UNC13D: variants seen among roughly 807,000 people sequenced by gnomAD.
UNC13D encodes the protein protein unc-13 homolog D.
In UNC13D, 115 loss-of-function variants were observed where a neutral mutation model predicts 151.7. That is an observed-to-expected ratio of 0.76 (90% CI 0.65 to 0.88). The LOEUF is 0.88. Ranked by LOEUF, UNC13D falls within the 40% of genes least tolerant of loss-of-function variation. The pLI is 0.00. For missense variants in UNC13D, 1,369 were observed against 1,438.7 expected (o/e 0.95, Z 0.78); for synonymous variants, 588 against 612.2 (o/e 0.96, Z 0.58).
Position 75,827,382 on chromosome 17 carries a change from T to C in UNC13D, c.*583A>G, listed in dbSNP as rs912357556. 1.5e-6 allele frequency: 2 copies of C among 1,346,988 alleles called. No individual in the cohort carries two copies. Among genetic ancestry groups the C allele is most frequent in the Admixed American group, 3.0e-5 (1 of 33,322 alleles). The allele number at this position is 1,346,988 out of a possible 1,614,324, so 83.4% of individuals were successfully genotyped here. A position where few individuals can be genotyped will look rare whatever the true frequency, so the allele number is the denominator to read the frequency against. ...TGTGCCAGCCCTGCCGCCTGCCAGC[T>C]CTTGCTCCCTCAGAGCCAGAAGGTT... is the stretch of plus-strand genomic sequence containing the variant. On this transcript the variant is annotated 3_prime_UTR_variant, in exon 32 of 32. Coordinates refer to ENST00000207549, the MANE Select transcript of UNC13D (RefSeq NM_199242.3).
At chr17:75,828,220 C>T (rs2143859290) in intron 31 of UNC13D, 134 bp from the exon 32 acceptor site, 1 of 1,341,428 alleles carries the variant, frequency 7.5e-7, no homozygotes, top group Non-Finnish European at 1.0e-6. Flanking sequence ...AAGTGACAGA[C>T]CCGCGCCAGC....
In UNC13D at chr17:75,828,055, C is replaced by G. The variant is rs2143858841; in HGVS notation, c.3183G>C (p.Arg1061=). The change falls in exon 32 of 32, where the codon CGG becomes CGC. Residue 1061 remains arginine (R), a synonymous_variant. Transcript: ENST00000207549. ...AGACCTGGGCTTCTCGGTCACCCTT[C>G]CGGCCCTCCAGCAGCTGCAGGATTG... The part of the protein sequence containing the change: ...GDPILQLLEG[R]KGDREAQVFV... 1 of 1,575,718 alleles carries G rather than the reference C, an allele frequency of 6.3e-7. No individual in the cohort carries two copies. Among genetic ancestry groups the G allele is most frequent in the East Asian group, 2.3e-5 (1 of 42,686 alleles).
At chr17:75,843,667 TC>T in intron 1 of UNC13D, 148 bp from the exon 2 acceptor site, 1 of 1,487,208 alleles carries the variant, frequency 6.7e-7, no homozygotes, top group Non-Finnish European at 8.9e-7. Context: ...CCGCACCTGT[TC>T]CCCCAGCAGG....
chr17:75,830,915 C>T (rs758298471), intron 27 of UNC13D, among the ~76,000 whole-genome samples, 183 bp downstream of exon 27: 1 of 152,306 alleles, frequency 6.6e-6, no homozygotes, highest in Non-Finnish European at 1.5e-5. Flanking sequence ...CTTAGGAGGA[C>T]CCAGGCTTGG....
intron 24 of UNC13D, 46 bp downstream of exon 24, chr17:75,834,028 CA>C (rs1429170196): frequency 6.2e-7 from 1 of 1,604,860 alleles, no homozygotes; most frequent in Non-Finnish European, 8.5e-7. Context: ...CCCAGATCTA[CA>C]GAGCTGGCAG....
chr17:75,828,725 GC>G (rs1301485096), intron 31 of UNC13D, 61 bp downstream of exon 31: 2 of 1,432,954 alleles, frequency 1.4e-6, no homozygotes, highest in Non-Finnish European at 9.2e-7. Flanking sequence ...CCTCTCTGGG[GC>G]CCCTGCCTGA....
At chr17:75,836,459 T>A in intron 14 of UNC13D, 30 bp from the exon 15 acceptor site, 1 of 1,611,978 alleles carries the variant, frequency 6.2e-7, no homozygotes, top group Admixed American at 1.7e-5. Flanking sequence ...GTGTCGAAAG[T>A]GCCTGCTGCC....
rs923676310 is a variant in UNC13D at position 75,830,357 on chromosome 17, C to T, written c.2830+5G>A. 4 of 1,593,142 alleles carry T rather than the reference C, an allele frequency of 2.5e-6. No homozygotes were observed. The highest frequency in any genetic ancestry group is 1.1e-5 in the South Asian group (1 of 87,824). ...GGAGAGTGGCCAAAGGCAGCCTCCACTCACCATTGGAGTCCAGGGGCAGCA... is the reference window on the plus strand; with the variant it reads ...GGAGAGTGGCCAAAGGCAGCCTCCATTCACCATTGGAGTCCAGGGGCAGCA... On this transcript the variant is annotated splice_donor_5th_base_variant and intron_variant, in intron 29 of 31. Coordinates refer to ENST00000207549, the MANE Select transcript of UNC13D (RefSeq NM_199242.3).
intron 11 of UNC13D, 23 bp from the exon 12 acceptor site, chr17:75,839,965 T>C (rs1426768062): frequency 6.2e-7 from 1 of 1,613,160 alleles, no homozygotes; most frequent in Admixed American, 1.7e-5. Flanking sequence ...GGTGGAGGAG[T>C]GTCAGGACCT....
rs533811160 is a variant in UNC13D, at chr17:75,839,916, C to T, written c.978G>A (p.Ser326=). The T allele has an allele frequency of 8.7e-6, 14 of 1,613,742 alleles. No homozygotes were observed. Among genetic ancestry groups the T allele is most frequent in the Middle Eastern group, 1.7e-4 (1 of 6,060 alleles). The change falls in exon 12 of 32, where the codon TCG becomes TCA. Residue 326 remains serine (S), a synonymous_variant. Coordinates refer to ENST00000207549, the MANE Select transcript of UNC13D (RefSeq NM_199242.3). ...HEAGSTSWDG[S]LSPQAATVLF... ...GGACGGTGGCAGCCTGGGGACTCAGCGACCCGTCCCAGGAGGTGCTTCCCG... is the reference window on the plus strand; with the variant it reads ...GGACGGTGGCAGCCTGGGGACTCAGTGACCCGTCCCAGGAGGTGCTTCCCG...
Position 75,834,397 on chromosome 17 carries a change from A to C in UNC13D, c.2226T>G (p.His742Gln), listed in dbSNP as rs759565903. The C allele has an allele frequency of 1.9e-6, 3 of 1,588,308 alleles. No homozygotes were observed. Among genetic ancestry groups the C allele is most frequent in the Non-Finnish European group, 2.6e-6 (3 of 1,174,792 alleles). ...LEQGQLQNTLHAQLQSALAGL... is the reference protein window; with the variant it reads ...LEQGQLQNTLQAQLQSALAGL... The stretch of plus-strand genomic sequence containing the variant: ...CGGCCAGCGCGCTCTGCAGCTGGGC[A>C]TGCAGCGTGTTCTGCAGCTGCCCCT... Residue 742 changes from histidine to glutamine, a missense_variant, in exon 23 of 32, where the codon CAT (histidine) becomes CAG (glutamine). His to Gln is a conservative substitution (Grantham distance 24). Around this residue, in one of 3 missense-constraint regions of UNC13D, gnomAD observed 807 missense variants for 795.5 expected, o/e 1.01. Coordinates refer to ENST00000207549, the MANE Select transcript of UNC13D (RefSeq NM_199242.3).
At chr17:75,843,298 A>T in intron 2 of UNC13D, 32 bp from the exon 3 acceptor site, 1 of 1,598,886 alleles carries the variant, frequency 6.3e-7, no homozygotes, top group Non-Finnish European at 8.5e-7. Context: ...TGGGGACCCC[A>T]CCAGCCACCC....
intron 1 of UNC13D, chr17:75,843,823 C>G: frequency 7.3e-7 from 1 of 1,375,732 alleles, no homozygotes; most frequent in Non-Finnish European, 9.4e-7. Context: ...CCTCACCCAG[C>G]AGCGGAAGTG....
chr17:75,827,670 A>G lies in UNC13D; in HGVS notation c.*295T>C, dbSNP rs1218960105. ...GATGGCCCAATCCCCTGCCCACCACAGCAGCTTTTCTGAGAGGCGGGCAGG... is the reference window on the plus strand; with the variant it reads ...GATGGCCCAATCCCCTGCCCACCACGGCAGCTTTTCTGAGAGGCGGGCAGG... On this transcript the variant is annotated 3_prime_UTR_variant, in exon 32 of 32. Transcript: ENST00000207549. 6.5e-7 allele frequency: 1 copy of G among 1,529,070 alleles called. No homozygotes were observed. The highest frequency in any genetic ancestry group is 8.7e-7 in the Non-Finnish European group (1 of 1,143,654). 94.7% of individuals were successfully genotyped at this position (1,529,070 alleles called of 1,614,324 possible).
In UNC13D at chr17:75,835,427, G is replaced by T; in HGVS notation, c.1830C>A (p.Arg610=). ...TYNEALARVQ[R]AVQMDELVPL... is the part of the protein sequence containing the mutation. ...CCCCCACCTCATCCATCTGCACAGC[G>T]CGCTGCACCCGCGCCAGGGCCTCGT... is the stretch of plus-strand genomic sequence containing the variant. Residue 610 remains arginine, a synonymous_variant, in exon 20 of 32, where the codon CGC becomes CGA. Transcript: ENST00000207549. 6.2e-7 allele frequency: 1 copy of T among 1,612,600 alleles called. No homozygotes were observed. Among genetic ancestry groups the T allele is most frequent in the Non-Finnish European group, 8.5e-7 (1 of 1,179,836 alleles).
rs1015152259 is a variant in UNC13D, at chr17:75,832,485, A to G, written c.2447+481T>C. 2 of 157,058 alleles carry G rather than the reference A, an allele frequency of 1.3e-5. No individual in the cohort carries two copies. Among genetic ancestry groups the G allele is most frequent in the Non-Finnish European group, 2.8e-5 (2 of 70,444 alleles). 9.7% of individuals were successfully genotyped at this position (157,058 alleles called of 1,614,324 possible). A position where few individuals can be genotyped will look rare whatever the true frequency, so the allele number is the denominator to read the frequency against. On this transcript the variant is annotated intron_variant, in intron 25 of 31. Coordinates refer to ENST00000207549, the MANE Select transcript of UNC13D (RefSeq NM_199242.3). This position sits in a 1 kb window ranked among gnomAD's most constrained non-coding sequence, Gnocchi z 4.3. Reference sequence around the variant, plus strand: ...TGGACTCCACCGCCTGTTGCCTGGCATGCTGGGTCCCTGCTATAAGACACC... The same window carrying G: ...TGGACTCCACCGCCTGTTGCCTGGCGTGCTGGGTCCCTGCTATAAGACACC...
intron 6 of UNC13D, among the ~76,000 whole-genome samples, chr17:75,841,773 A>C (rs1304592308): frequency 2.3e-5 from 3 of 131,424 alleles, no homozygotes; most frequent in East Asian, 4.6e-4. Context: ...TTTTTGAGAC[A>C]GAGTGTCGCT....
chr17:75,830,625 T>C lies in UNC13D; in HGVS notation c.2662A>G (p.Ser888Gly). The C allele has an allele frequency of 6.4e-7, 1 of 1,557,280 alleles. No individual in the cohort carries two copies. The highest frequency in any genetic ancestry group is 8.7e-7 in the Non-Finnish European group (1 of 1,150,812). Residue 888 changes from serine (S) to glycine (G), a missense_variant, in exon 28 of 32, where the codon AGC becomes GGC. This residue lies in a region of UNC13D where 807 missense variants were observed against 795.5 expected (regional missense o/e 1.01). Coordinates refer to ENST00000207549, the MANE Select transcript of UNC13D (RefSeq NM_199242.3). ...QRDLELQAAS[S>G]RELIRKYFCS... Reference sequence around the variant, plus strand: ...AAGTACTTCCGGATGAGTTCCCGGCTGGAGGCCGCCTGCAGCTCCAGGTCC... The same window carrying C: ...AAGTACTTCCGGATGAGTTCCCGGCCGGAGGCCGCCTGCAGCTCCAGGTCC...
At position 75,842,483 on chromosome 17, in the gene UNC13D, C is replaced by G. The variant is rs370278536; in HGVS notation, c.519G>C (p.Thr173=). 1.9e-6 allele frequency: 3 copies of G among 1,613,432 alleles called. No homozygotes were observed. The highest frequency in any genetic ancestry group is 1.7e-6 in the Non-Finnish European group (2 of 1,179,970). The change falls in exon 6 of 32, where the codon ACG becomes ACC. Residue 173 remains threonine, a synonymous_variant. Coordinates refer to ENST00000207549, the MANE Select transcript of UNC13D (RefSeq NM_199242.3). The part of the protein sequence containing the change: ...HTIPEEETHR[T]QVITQTLNPV... ...GGTTGAGTGTCTGGGTGATGACCTG[C>G]GTGCGGTGGGTCTCCTCCTCGGGGA...
Sources: allele counts gnomAD v4.1 joint callset (sites outside exome capture counted in the v4.1 genomes callset), GRCh38; gene constraint gnomAD v4.1.1; regional missense constraint gnomAD v4.1.1; non-coding constraint Gnocchi (gnomAD v3.1); transcripts MANE v1.5; gene names NCBI Gene and HGNC (gene_info 2026-07-23, HGNC 2026-07-21).